MYO16: variants seen among roughly 807,000 people sequenced by gnomAD.
The protein encoded by MYO16 is myosin XVI, also known as unconventional myosin-XVI.
MYO16 carries 94 observed loss-of-function variants against 205.3 expected under a neutral mutation model. That is an observed-to-expected ratio of 0.46 (90% confidence interval 0.39 to 0.54). MYO16 has a LOEUF of 0.54. Ranked by LOEUF, MYO16 falls within the 20% of genes least tolerant of loss-of-function variation. The pLI, the probability that MYO16 is intolerant of heterozygous loss-of-function variation, is 0.00. For missense variants in MYO16, 2,315 were observed against 2,387.5 expected (o/e 0.97, Z 0.63); for synonymous variants, 988 against 954.0 (o/e 1.04, Z -0.66).
At chr13:109,113,041 A>ACTAC (rs1875480972) in intron 28 of MYO16, among the ~76,000 whole-genome samples, 2 of 152,238 alleles carry the variant, frequency 1.3e-5, no homozygotes, top group African/African-American at 4.8e-5. Flanking sequence ...AGTGACATGG[A>ACTAC]TGTACTACTG....
At chr13:109,174,748 C>CTTTTTTTTTTTTTT (rs34606084) in intron 33 of MYO16, among the ~76,000 whole-genome samples, 1 of 85,630 alleles carries the variant, frequency 1.2e-5, no homozygotes, top group African/African-American at 4.0e-5. Flanking sequence ...CTTGTCTTGT[C>CTTTTTTTTTTTTTT]TTTTTTTTTT....
chr13:108,947,599 C>A lies in MYO16; in HGVS notation c.1926-10089C>A, dbSNP rs147775815. ...GGCTGTGTTTATGCTGGACACAAGG[C>A]TCGGGGATGAGTTCAGGCTGCGGTC... is the stretch of plus-strand genomic sequence containing the variant. On this transcript the variant is annotated intron_variant, in intron 16 of 34. Transcript: ENST00000457511. Among the ~76,000 whole-genome samples the A allele has an allele frequency of 1.2e-3, 180 of 152,310 alleles. 1 individual carries two copies. The highest frequency in any genetic ancestry group is 1.9e-3 in the Admixed American group (29 of 15,306).
At chr13:108,582,550 G>GT in the MYO16 span, among the ~76,000 whole-genome samples, 6 of 152,334 alleles carry the variant, frequency 3.9e-5, no homozygotes, top group South Asian at 8.3e-4. Flanking sequence ...AATTCATAGT[G>GT]TAAGTTCCCG....
chr13:108,806,753 A>T lies in MYO16; in HGVS notation c.816A>T (p.Ile272=). The T allele has an allele frequency of 6.2e-7, 1 of 1,613,140 alleles. No homozygotes were observed. Among genetic ancestry groups the T allele is most frequent in the East Asian group, 2.2e-5 (1 of 44,842 alleles). Residue 272 remains isoleucine (I), a synonymous_variant, in exon 7 of 35, where the codon ATA becomes ATT. Transcript: ENST00000457511. ...LILEHGGDLN[I]VDDQYWTPLH... is the part of the protein sequence containing the mutation. ...TGGAACATGGTGGAGACCTCAACAT[A>T]GTAGATGATCAGTACTGGACTCCCC...
At chr13:108,615,859 C>T (rs2139326354) in intron 1 of MYO16, among the ~76,000 whole-genome samples, 1 of 152,246 alleles carries the variant, frequency 6.6e-6, no homozygotes, top group East Asian at 1.9e-4. Context: ...CTAAACAATC[C>T]ATTAGTATAA....
intron 4 of MYO16, among the ~76,000 whole-genome samples, chr13:108,759,497 T>C (rs777454028): frequency 2.8e-4 from 42 of 152,228 alleles, no homozygotes; most frequent in Non-Finnish European, 4.7e-4. Flanking sequence ...GAGTATTATA[T>C]GAAAGAAATG....
rs555297772 is a variant in MYO16, at chr13:108,946,745, A to AT, written c.1926-10932dup. Among the ~76,000 whole-genome samples the AT allele has an allele frequency of 3.2e-3, 466 of 146,980 alleles. 2 individuals are homozygous for AT. The highest frequency in any genetic ancestry group is 9.1e-3 in the African/African-American group (368 of 40,322). On this transcript the variant is annotated intron_variant, in intron 16 of 34. Coordinates refer to ENST00000457511, the MANE Select transcript of MYO16 (RefSeq NM_001198950.3). ...TGGATCTATACAGAGATAGAGATGG[A>AT]TTTTTTTTTTTATTGAGATATAGTC...
At chr13:109,177,884 T>G (rs879667370) in intron 33 of MYO16, among the ~76,000 whole-genome samples, 3 of 152,214 alleles carry the variant, frequency 2.0e-5, no homozygotes, top group Non-Finnish European at 2.9e-5. Context: ...ACAGATCCCC[T>G]GTCTTAGTAA....
intron 9 of MYO16, among the ~76,000 whole-genome samples, chr13:108,830,825 A>G (rs1430289483): frequency 6.6e-6 from 1 of 152,218 alleles, no homozygotes; most frequent in East Asian, 1.9e-4. Flanking sequence ...AGCAGGAAAA[A>G]AAGTTCATTG....
chr13:108,672,047 T>C (rs1882010600), intron 2 of MYO16, among the ~76,000 whole-genome samples: 1 of 152,154 alleles, frequency 6.6e-6, no homozygotes, highest in African/African-American at 2.4e-5. Context: ...TTACTTCCCT[T>C]GAGTTTCTCA....
At chr13:109,096,969 G>T (rs758483328) in intron 27 of MYO16, among the ~76,000 whole-genome samples, 1 of 152,174 alleles carries the variant, frequency 6.6e-6, no homozygotes, top group Non-Finnish European at 1.5e-5. Flanking sequence ...ACATTGTACA[G>T]TTATATCACT....
At chr13:108,941,328 C>G (rs978487519) in intron 16 of MYO16, among the ~76,000 whole-genome samples, 2 of 152,084 alleles carry the variant, frequency 1.3e-5, no homozygotes, top group Non-Finnish European at 2.9e-5. Context: ...TAGCCTTCTA[C>G]GAGGGGCCTA....
At chr13:108,926,520 G>T (rs1882013339) in intron 16 of MYO16, among the ~76,000 whole-genome samples, 1 of 152,152 alleles carries the variant, frequency 6.6e-6, no homozygotes, top group African/African-American at 2.4e-5. Context: ...CGCAGGAGAA[G>T]TGAAAAGCAG....
intron 25 of MYO16, chr13:109,054,387 TC>T: frequency 3.2e-6 from 1 of 307,814 alleles, no homozygotes. Flanking sequence ...TAAGAAAGCA[TC>T]AGACCATTCA....
rs770291651 is a variant in MYO16 at position 109,114,861 on chromosome 13, C to T, written c.3439-5509C>T. Among the ~76,000 whole-genome samples the T allele has an allele frequency of 3.3e-5, 5 of 151,962 alleles. No individual in the cohort carries two copies. The East Asian group carries it at 9.6e-4, about 29-fold the overall frequency. On this transcript the variant is annotated intron_variant, in intron 28 of 34. Coordinates refer to ENST00000457511, the MANE Select transcript of MYO16 (RefSeq NM_001198950.3). The stretch of plus-strand genomic sequence containing the variant: ...TAAATGAGTAAACTAAATTAAGTGA[C>T]ACATACAATACAAATAATATATGCC...
intron 4 of MYO16, among the ~76,000 whole-genome samples, chr13:108,773,661 A>G (rs753284172): frequency 6.6e-6 from 1 of 152,162 alleles, no homozygotes; most frequent in African/African-American, 2.4e-5. Flanking sequence ...CAGTGATCCT[A>G]TTTCCAAATA....
At chr13:108,672,507 A>G (rs943311588) in intron 2 of MYO16, among the ~76,000 whole-genome samples, 12 of 152,012 alleles carry the variant, frequency 7.9e-5, no homozygotes, top group African/African-American at 2.7e-4. Context: ...ATAGTATGTC[A>G]TTTAAAAGTA....
At chr13:109,028,468 A>G (rs1017020390) in intron 23 of MYO16, 4 of 242,042 alleles carry the variant, frequency 1.7e-5, no homozygotes, top group South Asian at 9.5e-5. Flanking sequence ...TAAAAAAAAT[A>G]TATATTCTTT....
intron 27 of MYO16, among the ~76,000 whole-genome samples, chr13:109,075,859 C>T (rs965499777): frequency 3.9e-5 from 6 of 152,122 alleles, no homozygotes; most frequent in African/African-American, 1.4e-4. Flanking sequence ...CTGTCTTCTC[C>T]TTGTGAAGAA....
Sources: gnomAD v4.1 joint callset for allele counts (sites outside exome capture counted in the v4.1 genomes callset) on GRCh38, gnomAD v4.1.1 for gene constraint, MANE v1.5 for transcripts, NCBI Gene and HGNC (gene_info 2026-07-23, HGNC 2026-07-21) for gene names.